FIRRM: variants seen among roughly 807,000 people sequenced by gnomAD.
FIRRM encodes FIGNL1-interacting regulator of recombination and mitosis.
At chr1:169,827,024 A>G in the FIRRM span, 1 of 1,605,236 alleles carries the variant, frequency 6.2e-7, no homozygotes, top group Non-Finnish European at 8.5e-7. Context: ...CTATTAATGA[A>G]TGAGTTTTTT....
the FIRRM span, chr1:169,792,986 A>T: frequency 6.2e-7 from 1 of 1,614,052 alleles, no homozygotes. Context: ...TTCATCTTCC[A>T]AAGTGGAGTT....
At chr1:169,827,790 A>G in the FIRRM span, 1 of 1,614,158 alleles carries the variant, frequency 6.2e-7, no homozygotes, top group Non-Finnish European at 8.5e-7. Context: ...AGCCTAAGGA[A>G]GTGCAAACCC....
At chr1:169,820,124 A>C in the FIRRM span, among the ~76,000 whole-genome samples, 1 of 152,238 alleles carries the variant, frequency 6.6e-6, no homozygotes, top group Admixed American at 6.5e-5. Flanking sequence ...GACATTTTTC[A>C]ACATGTGGTC....
At chr1:169,815,992 G>C in the FIRRM span, among the ~76,000 whole-genome samples, 1 of 152,132 alleles carries the variant, frequency 6.6e-6, no homozygotes, top group African/African-American at 2.4e-5. Flanking sequence ...GTGTCAGTAT[G>C]ATGAGGGCCA....
chr1:169,829,465 A>G, the FIRRM span: 1 of 1,594,708 alleles, frequency 6.3e-7, no homozygotes, highest in Non-Finnish European at 8.5e-7. Context: ...CATATTACTT[A>G]CTGTGCTAAG....
the FIRRM span, among the ~76,000 whole-genome samples, chr1:169,824,467 C>G: frequency 5.3e-5 from 8 of 152,282 alleles, no homozygotes; most frequent in Non-Finnish European, 1.2e-4. Flanking sequence ...ACTCTACGTC[C>G]TCCTACAAAT....
the FIRRM span, among the ~76,000 whole-genome samples, chr1:169,841,545 A>C: frequency 1.4e-4 from 21 of 152,366 alleles, no homozygotes; most frequent in Non-Finnish European, 2.9e-4. Flanking sequence ...CACCTCAAAC[A>C]ACCTCATTTC....
the FIRRM span, among the ~76,000 whole-genome samples, chr1:169,812,484 A>G: frequency 3.6e-4 from 55 of 152,244 alleles, no homozygotes; most frequent in African/African-American, 1.1e-3. Context: ...GATGACGTCT[A>G]TGCTGATTAT....
At chr1:169,794,256 C>G in the FIRRM span, among the ~76,000 whole-genome samples, 1 of 152,330 alleles carries the variant, frequency 6.6e-6, no homozygotes, top group Admixed American at 6.5e-5. Context: ...ACCCCCTAAG[C>G]TTCCAGAATA....
chr1:169,849,892 G>A, the FIRRM span: 1 of 468,498 alleles, frequency 2.1e-6, no homozygotes, highest in East Asian at 3.8e-5. Flanking sequence ...TAGTATTTTT[G>A]GGTCAAATGA....
the FIRRM span, among the ~76,000 whole-genome samples, chr1:169,788,552 C>T: frequency 7.2e-5 from 11 of 152,154 alleles, no homozygotes; most frequent in South Asian, 2.1e-4. Context: ...GTTAAGTTTT[C>T]GAGGAGTCAA....
At chr1:169,853,313 A>AAGTT in the FIRRM span, 1 of 338,042 alleles carries the variant, frequency 3.0e-6, no homozygotes, top group Non-Finnish European at 5.3e-6. Context: ...AAATTTTTTA[A>AAGTT]AGTTGTATTT....
the FIRRM span, chr1:169,827,098 A>G: frequency 6.2e-7 from 1 of 1,613,862 alleles, no homozygotes; most frequent in Non-Finnish European, 8.5e-7. Flanking sequence ...AAAGCACACC[A>G]AGAGGAAATA....
chr1:169,847,175 C>T, the FIRRM span, among the ~76,000 whole-genome samples: 15 of 152,040 alleles, frequency 9.9e-5, no homozygotes, highest in Middle Eastern at 6.8e-3. Context: ...CACAAATCAG[C>T]GTAATAAAAT....
At chr1:169,849,540 T>C in the FIRRM span, 3 of 1,614,092 alleles carry the variant, frequency 1.9e-6, no homozygotes, top group Non-Finnish European at 2.5e-6. Flanking sequence ...TTTGCCTTAC[T>C]GCTAGCTGAC....
chr1:169,849,844 A>G, the FIRRM span: 1 of 518,856 alleles, frequency 1.9e-6, no homozygotes, highest in Non-Finnish European at 3.4e-6. Context: ...CAGCAGGCCT[A>G]CTGATACAGA....
At chr1:169,849,835 A>G in the FIRRM span, 1 of 532,160 alleles carries the variant, frequency 1.9e-6, no homozygotes, top group Non-Finnish European at 3.4e-6. Context: ...AGGCATACAC[A>G]GCAGGCCTAC....
chr1:169,804,059 A>G, the FIRRM span: 2 of 1,427,938 alleles, frequency 1.4e-6, no homozygotes, highest in Non-Finnish European at 1.8e-6. Flanking sequence ...TCTCATTTTT[A>G]TTTATCCGTA....
chr1:169,846,695 G>C, the FIRRM span, among the ~76,000 whole-genome samples: 2 of 152,170 alleles, frequency 1.3e-5, no homozygotes, highest in Admixed American at 6.5e-5. Flanking sequence ...GAATTGGAGA[G>C]AGGGCCTGGC....
Sources: allele counts gnomAD v4.1 joint callset (sites outside exome capture counted in the v4.1 genomes callset), GRCh38; gene constraint gnomAD v4.1.1; transcripts MANE v1.5; gene names NCBI Gene and HGNC (gene_info 2026-07-23, HGNC 2026-07-21).